VPS37A: variants seen among roughly 807,000 people sequenced by gnomAD.
VPS37A encodes the protein VPS37A subunit of ESCRT-I.
VPS37A carries 30 observed loss-of-function variants against 49.8 expected under a neutral mutation model. That is an observed-to-expected ratio of 0.60 (90% CI 0.45 to 0.82). The LOEUF (loss-of-function observed/expected upper bound fraction) is 0.82. Ranked by LOEUF, VPS37A falls within the 40% of genes least tolerant of loss-of-function variation. The pLI is 0.00. For synonymous variants in VPS37A, 195 were observed against 160.6 expected, an observed-to-expected ratio of 1.21 and a Z score of -1.62; for missense variants, 593 against 464.4, an observed-to-expected ratio of 1.28 and a Z score of -2.55.
chr8:17,320,773 T>G, the VPS37A span, among the ~76,000 whole-genome samples: 1 of 152,292 alleles, frequency 6.6e-6, no homozygotes, highest in Admixed American at 6.5e-5. Context: ...CTTCTGCCTA[T>G]GCACGCGGCC....
chr8:17,280,350 AC>A, intron 8 of VPS37A, 24 bp from the exon 9 acceptor site: 1 of 1,602,468 alleles, frequency 6.2e-7, no homozygotes, highest in Non-Finnish European at 8.5e-7. Flanking sequence ...ATAGAATAAA[AC>A]AACCTTTTCA....
In VPS37A at chr8:17,265,930, T is replaced by G; in HGVS notation, c.149T>G (p.Val50Gly). 1 of 1,613,500 alleles carries G rather than the reference T, an allele frequency of 6.2e-7. No individual in the cohort carries two copies. The highest frequency in any genetic ancestry group is 8.5e-7 in the Non-Finnish European group (1 of 1,179,684). ...HSSIAEIQKDVEYRLPFTINN... is the reference protein window; with the variant it reads ...HSSIAEIQKDGEYRLPFTINN... ...AGTATAGCCGAAATACAGAAAGATG[T>G]GGAATACAGATTGCCATTCACCATA... is the stretch of plus-strand genomic sequence containing the variant. Residue 50 changes from valine to glycine, a missense_variant, in exon 2 of 12, where the codon GTG becomes GGG. Coordinates refer to ENST00000324849, the MANE Select transcript of VPS37A (RefSeq NM_152415.3).
chr8:17,248,261 C>T (rs1005854403), intron 1 of VPS37A: 7 of 397,320 alleles, frequency 1.8e-5, no homozygotes, highest in African/African-American at 9.3e-5. Context: ...TCCCTAACCC[C>T]TTTTTTTTTT....
At chr8:17,283,899 C>G (rs577087959) in intron 9 of VPS37A, among the ~76,000 whole-genome samples, 38 of 152,292 alleles carry the variant, frequency 2.5e-4, no homozygotes, top group Middle Eastern at 3.4e-3. Context: ...TGCATTGAGT[C>G]TATAGGTTGC....
Position 17,268,376 on chromosome 8 carries a change from T to G in VPS37A, c.315+4T>G. ...TACCTCTCCATTAGTAAACAATGTA[T>G]GTATATGGGATAATTTATTTCAGGG... On this transcript the variant is annotated splice_donor_region_variant and intron_variant, in intron 3 of 11. Transcript: ENST00000324849. The G allele has an allele frequency of 6.4e-7, 1 of 1,566,734 alleles. No homozygotes were observed. The highest frequency in any genetic ancestry group is 1.7e-5 in the Admixed American group (1 of 58,878).
At chr8:17,254,785 C>T (rs1221496718) in intron 1 of VPS37A, among the ~76,000 whole-genome samples, 1 of 152,064 alleles carries the variant, frequency 6.6e-6, no homozygotes, top group East Asian at 1.9e-4. Context: ...CAAAACATCA[C>T]AAGTACCCCA....
chr8:17,255,490 A>ATGTG (rs1417543673), intron 1 of VPS37A, among the ~76,000 whole-genome samples: 6 of 132,378 alleles, frequency 4.5e-5, no homozygotes, highest in East Asian at 3.1e-4. Flanking sequence ...TTAAATATAT[A>ATGTG]TATGTGTGTG....
downstream of VPS37A, among the ~76,000 whole-genome samples, chr8:17,303,421 G>C (rs1817253616): frequency 1.3e-5 from 2 of 152,130 alleles, no homozygotes; most frequent in Admixed American, 6.5e-5. Context: ...TGTCGGGAGT[G>C]AGTAGGAAGA....
At chr8:17,316,171 G>A in the VPS37A span, among the ~76,000 whole-genome samples, 1 of 151,976 alleles carries the variant, frequency 6.6e-6, no homozygotes, top group African/African-American at 2.4e-5. Context: ...CTGTCCTTCA[G>A]TTTCCTCAAC....
chr8:17,304,233 C>G (rs548438230), downstream of VPS37A: 1 of 806,380 alleles, frequency 1.2e-6, no homozygotes, highest in South Asian at 3.8e-5. Flanking sequence ...AATACCAGAT[C>G]AGATATTCAA....
At chr8:17,305,981 T>A (rs988524493), downstream of VPS37A, 1 of 1,553,874 alleles carries the variant, frequency 6.4e-7, no homozygotes, top group Non-Finnish European at 8.8e-7. Flanking sequence ...CATTAGAGAC[T>A]TTTTAAGGCA....
chr8:17,253,202 T>C (rs899991636), intron 1 of VPS37A, among the ~76,000 whole-genome samples: 7 of 152,200 alleles, frequency 4.6e-5, no homozygotes, highest in African/African-American at 1.7e-4. Context: ...CCTGAACTCC[T>C]TCCAAACCAT....
chr8:17,283,392 G>T lies in VPS37A; in HGVS notation c.970-1081G>T, dbSNP rs77909279. Among the ~76,000 whole-genome samples, 1,048 of 152,294 alleles carry T rather than the reference G, an allele frequency of 6.9e-3. 50 individuals are homozygous for T. The East Asian group carries it at 0.14, about 20-fold the overall frequency. On this transcript the variant is annotated intron_variant, in intron 9 of 11. Coordinates refer to ENST00000324849, the MANE Select transcript of VPS37A (RefSeq NM_152415.3). ...CCTGGTCATGAACTCCCAGGCTCAA[G>T]CCATCTGCTTGCCTCAGGCTCCCAC... is the stretch of plus-strand genomic sequence containing the variant.
the VPS37A span, among the ~76,000 whole-genome samples, chr8:17,330,966 C>T: frequency 1.3e-5 from 2 of 152,176 alleles, no homozygotes; most frequent in African/African-American, 4.8e-5. Flanking sequence ...GACAAAACCA[C>T]ATCACAGTGA....
rs77581360 is a variant in VPS37A at position 17,287,892 on chromosome 8, G to A, written c.*1465G>A. 7.8e-3 allele frequency among the ~76,000 whole-genome samples: 1,184 copies of A among 152,142 alleles called. 15 individuals are homozygous for A. The highest frequency in any genetic ancestry group is 0.027 in the African/African-American group (1,108 of 41,490). On this transcript the variant is annotated intron_variant, in intron 11 of 11. Transcript: ENST00000324849. ...CCTGTGGTCCTCTGCCCAGTCGACT[G>A]GGCTGAGGGAGTGGATTATGAGAAG...
chr8:17,278,454 T>G (rs942272873), intron 6 of VPS37A, among the ~76,000 whole-genome samples: 8 of 152,086 alleles, frequency 5.3e-5, no homozygotes, highest in Non-Finnish European at 8.8e-5. Context: ...TTTTTCCCCT[T>G]ATATTATCAC....
chr8:17,286,612 T>A (rs374018108), intron 11 of VPS37A, 185 bp downstream of exon 11: 14 of 500,146 alleles, frequency 2.8e-5, no homozygotes, highest in East Asian at 1.9e-4. Flanking sequence ...CTAGTAGAAA[T>A]CTTTTGGATA....
the VPS37A span, among the ~76,000 whole-genome samples, chr8:17,320,292 G>A: frequency 2.0e-5 from 3 of 152,124 alleles, no homozygotes; most frequent in African/African-American, 7.2e-5. Context: ...CTGATCAAAA[G>A]TCTTCAAACA....
chr8:17,332,841 C>T, the VPS37A span, among the ~76,000 whole-genome samples: 16 of 151,946 alleles, frequency 1.1e-4, no homozygotes, highest in South Asian at 2.1e-4. Context: ...TAAGTTTTTG[C>T]GTGTTTATCA....
Sources: gnomAD v4.1 joint callset for allele counts (sites outside exome capture counted in the v4.1 genomes callset) on GRCh38, gnomAD v4.1.1 for gene constraint, MANE v1.5 for transcripts, NCBI Gene and HGNC (gene_info 2026-07-23, HGNC 2026-07-21) for gene names.